The following NDUFS2 variants were observed in gnomAD, a reference collection of about 807,000 sequenced individuals.
NDUFS2 encodes the protein NADH:ubiquinone oxidoreductase core subunit S2.
In NDUFS2, 38 loss-of-function variants were observed where a neutral mutation model predicts 69.6. The observed-to-expected ratio is 0.55, with a 90% CI of 0.42 to 0.72. The LOEUF (loss-of-function observed/expected upper bound fraction) is 0.72. NDUFS2 is among the 30% of genes least tolerant of loss of function. The probability of loss-of-function intolerance (pLI) is 0.00; values close to 1 mark genes in which losing one functional copy is unlikely to be tolerated. For missense variants in NDUFS2, 468 were observed against 595.0 expected, an observed-to-expected ratio of 0.79 and a Z score of 2.22; for synonymous variants, 194 against 211.2, an observed-to-expected ratio of 0.92 and a Z score of 0.70.
rs751955645 is a variant in NDUFS2, at chr1:161,210,329, G to A, written c.806G>A (p.Arg269Gln). 1.5e-5 allele frequency: 25 copies of A among 1,613,906 alleles called. No individual in the cohort carries two copies. The African/African-American group carries it at 1.9e-4, about 12-fold the overall frequency. ...EELLTNNRIW[R>Q]NRTIDIGVVT... ...TTGCTGACCAACAATAGGATCTGGCGAAATCGGACAATTGACATTGGGGTT... is the reference window on the plus strand; with the variant it reads ...TTGCTGACCAACAATAGGATCTGGCAAAATCGGACAATTGACATTGGGGTT... Residue 269 changes from arginine to glutamine, a missense_variant, in exon 8 of 14, where the codon CGA becomes CAA. Arg to Gln is a conservative substitution (Grantham distance 43). This residue lies in a region of NDUFS2 where 339 missense variants were observed against 433.8 expected (regional missense o/e 0.78). Transcript: ENST00000676972.
Position 161,212,333 on chromosome 1 carries a change from C to G in NDUFS2, c.987-18C>G. On this transcript the variant is annotated intron_variant, in intron 9 of 13. Transcript: ENST00000676972. ...CTCCTCTGACTGTTCTTCTCTTGCT[C>G]TGTCTCATCTTCTTGAGGTACCTGT... 6.2e-7 allele frequency: 1 copy of G among 1,613,142 alleles called. No individual in the cohort carries two copies. Among genetic ancestry groups the G allele is most frequent in the Non-Finnish European group, 8.5e-7 (1 of 1,179,402 alleles).
At position 161,207,615 on chromosome 1, in the gene NDUFS2, G is replaced by A. The variant is rs147974227; in HGVS notation, c.393+1018G>A. On this transcript the variant is annotated intron_variant, in intron 3 of 13. Coordinates refer to ENST00000676972, the MANE Select transcript of NDUFS2 (RefSeq NM_001377299.1). ...CTAAAAATACAAAAATTAGCCAGAC[G>A]TGGTGGTGTGCGCCTGTAGGAGAAT... 7.0e-3 allele frequency among the ~76,000 whole-genome samples: 1,064 copies of A among 151,706 alleles called. 12 individuals carry two copies. The highest frequency in any genetic ancestry group is 0.025 in the African/African-American group (1,017 of 41,380).
rs11538340 is a variant in NDUFS2 at position 161,202,443 on chromosome 1, C to T, written c.58C>T (p.Pro20Ser). The change falls in exon 1 of 14, where the codon CCT (proline) becomes TCT (serine). Residue 20 changes from proline to serine, a missense_variant. This residue lies in a region of NDUFS2 where 57 missense variants were observed against 42.3 expected (regional missense o/e 1.35). Transcript: ENST00000676972. ...GGGCGTCGCGGCCCAGGTGCTGCGG[C>T]CTGGGGCTGGAGTCCGATTGCCGAT... ...FRGVAAQVLR[P>S]GAGVRLPIQP... 2.5e-6 allele frequency: 4 copies of T among 1,612,084 alleles called. No homozygotes were observed. The African/African-American group carries it at 5.3e-5, about 22-fold the overall frequency.
chr1:161,210,236 A>G (rs981193227), intron 7 of NDUFS2, 48 bp downstream of exon 7: 109 of 1,609,392 alleles, frequency 6.8e-5, no homozygotes, highest in Non-Finnish European at 9.3e-5. Flanking sequence ...AAGAAGGGCT[A>G]GAGAAATACA....
intron 11 of NDUFS2, 77 bp from the exon 12 acceptor site, chr1:161,213,570 CAG>C (rs1395022975): frequency 6.5e-7 from 1 of 1,547,996 alleles, no homozygotes; most frequent in Admixed American, 1.7e-5. Flanking sequence ...AGAGAGAAAA[CAG>C]AATGAATAGA....
rs748275424 is a variant in NDUFS2, at chr1:161,213,925, C to T, written c.1354+4C>T. 20 of 1,614,034 alleles carry T rather than the reference C, an allele frequency of 1.2e-5. No homozygotes were observed. Among genetic ancestry groups the T allele is most frequent in the African/African-American group, 8.0e-5 (6 of 74,900 alleles). ...GCAGATGTCGTTGCCATCATAGGTA[C>T]GAGGCCTATTGTGTAGTAGAGGTAT... On this transcript the variant is annotated splice_donor_region_variant and intron_variant, in intron 13 of 13. Coordinates refer to ENST00000676972, the MANE Select transcript of NDUFS2 (RefSeq NM_001377299.1).
At chr1:161,198,191 C>G, upstream of NDUFS2, 1 of 1,614,094 alleles carries the variant, frequency 6.2e-7, no homozygotes, top group Non-Finnish European at 8.5e-7. This position sits in a 1 kb window ranked among gnomAD's most constrained non-coding sequence, Gnocchi z 4.7. Context: ...CAGGGCTCCC[C>G]CATCCCAGTG....
intron 1 of NDUFS2, 94 bp downstream of exon 1, chr1:161,202,574 C>T: frequency 8.0e-7 from 1 of 1,255,736 alleles, no homozygotes; most frequent in Non-Finnish European, 1.1e-6. Flanking sequence ...ATAACCCAAG[C>T]CTGTGACCCC....
At position 161,210,581 on chromosome 1, in the gene NDUFS2, C is replaced by T; in HGVS notation, c.867-10C>T. ...GAGAGTGGCCCTTATTCCCATTATGCTCTCCACAGTGGAGTGATGCTTCGG... is the reference window on the plus strand; with the variant it reads ...GAGAGTGGCCCTTATTCCCATTATGTTCTCCACAGTGGAGTGATGCTTCGG... On this transcript the variant is annotated splice_polypyrimidine_tract_variant and intron_variant, in intron 8 of 13. Transcript: ENST00000676972. 6.2e-7 allele frequency: 1 copy of T among 1,614,136 alleles called. No individual in the cohort carries two copies. Among genetic ancestry groups the T allele is most frequent in the African/African-American group, 1.3e-5 (1 of 75,016 alleles).
In NDUFS2 at chr1:161,209,379, C is replaced by T. The variant is rs967368706; in HGVS notation, c.514+66C>T. The stretch of plus-strand genomic sequence containing the variant: ...AGCATAGTGCCTTTTCCACCACTTC[C>T]CCGTTGAACCCAAGCTTAGTGTTCA... On this transcript the variant is annotated intron_variant, in intron 4 of 13. Transcript: ENST00000676972. 9 of 1,612,478 alleles carry T rather than the reference C, an allele frequency of 5.6e-6. No homozygotes were observed. The African/African-American group carries it at 1.1e-4, about 19-fold the overall frequency.
At chr1:161,204,498 T>C (rs536363970) in intron 2 of NDUFS2, among the ~76,000 whole-genome samples, 1 of 152,354 alleles carries the variant, frequency 6.6e-6, no homozygotes, top group East Asian at 1.9e-4. Context: ...GTCTATTCAC[T>C]GAGTTTTTGC....
At chr1:161,198,684 C>T (rs533553195), upstream of NDUFS2, 5 of 1,415,032 alleles carry the variant, frequency 3.5e-6, 1 homozygote, top group Middle Eastern at 7.6e-4. This position sits in a 1 kb window ranked among gnomAD's most constrained non-coding sequence, Gnocchi z 4.7. Flanking sequence ...AAGTCCTCCA[C>T]ACCCTAGCTT....
chr1:161,214,081 C>G, intron 13 of NDUFS2, 75 bp from the exon 14 acceptor site: 1 of 1,613,652 alleles, frequency 6.2e-7, no homozygotes, highest in Non-Finnish European at 8.5e-7. Flanking sequence ...TTGGGTAACA[C>G]CACTTTTTTT....
chr1:161,212,599 C>T, intron 10 of NDUFS2, 119 bp downstream of exon 10: 2 of 1,343,548 alleles, frequency 1.5e-6, no homozygotes, highest in Non-Finnish European at 2.0e-6. Context: ...CAGAGTTTTA[C>T]TCTTATTGCC....
intron 4 of NDUFS2, 74 bp downstream of exon 4, chr1:161,209,387 A>C: frequency 6.2e-7 from 1 of 1,611,874 alleles, no homozygotes. Context: ...TCCCCGTTGA[A>C]CCCAAGCTTA....
intron 2 of NDUFS2, among the ~76,000 whole-genome samples, chr1:161,205,076 C>T (rs1410989517): frequency 6.6e-6 from 1 of 151,788 alleles, no homozygotes; most frequent in Non-Finnish European, 1.5e-5. Flanking sequence ...TAAGGACACA[C>T]AGGCAGATTT....
At chr1:161,206,268 G>A in intron 2 of NDUFS2, 139 bp from the exon 3 acceptor site, 1 of 873,736 alleles carries the variant, frequency 1.1e-6, no homozygotes, top group Non-Finnish European at 1.9e-6. Context: ...CCTCTTCCTG[G>A]TTATAGTGGA....
rs41428447 is a variant in NDUFS2 at position 161,209,508 on chromosome 1, G to A, written c.540G>A (p.Leu180=). The part of the protein sequence containing the change: ...IRVLFGEITR[L]LNHIMAVTTH... ...TGCTGTTTGGAGAAATCACACGTTT[G>A]TTGAACCACATCATGGCTGTGACCA... The change falls in exon 5 of 14, where the codon TTG becomes TTA. Residue 180 remains leucine (L), a synonymous_variant. Coordinates refer to ENST00000676972, the MANE Select transcript of NDUFS2 (RefSeq NM_001377299.1). 1,057 of 1,613,818 alleles carry A rather than the reference G, an allele frequency of 6.5e-4. 31 individuals carry two copies. In the East Asian group the frequency reaches 0.023, roughly 36 times the overall value.
chr1:161,201,538 T>A (rs1665121427), upstream of NDUFS2, among the ~76,000 whole-genome samples: 1 of 152,256 alleles, frequency 6.6e-6, no homozygotes, highest in Non-Finnish European at 1.5e-5. Context: ...CTGGTGCTAC[T>A]ACATTTCCGT....
Sources: gnomAD v4.1 joint callset for allele counts (sites outside exome capture counted in the v4.1 genomes callset) on GRCh38, gnomAD v4.1.1 for gene constraint, gnomAD v4.1.1 regional missense constraint, Gnocchi (gnomAD v3.1) non-coding constraint, MANE v1.5 for transcripts, NCBI Gene and HGNC (gene_info 2026-07-23, HGNC 2026-07-21) for gene names.